Variants in RDX observed in about 807,000 individuals in gnomAD.
RDX encodes radixin.
A neutral mutation model predicts 83.7 loss-of-function variants in RDX; 32 were observed. That is an observed-to-expected ratio of 0.38 (90% CI 0.29 to 0.51). The LOEUF is 0.51. Ranked by LOEUF, RDX falls within the 20% of genes least tolerant of loss-of-function variation. RDX has a pLI of 0.87. For synonymous variants in RDX, 229 were observed against 222.7 expected (o/e 1.03, Z -0.25); for missense variants, 600 against 689.9 (o/e 0.87, Z 1.46).
chr11:110,199,375 T>C lies in RDX; in HGVS notation c.*31+206A>G, dbSNP rs139455760. On this transcript the variant is annotated intron_variant, in intron 15 of 15. Coordinates refer to the RDX transcript ENST00000528498. ...CAAAGAGCCCAAGAGATGCAAACTA[T>C]TGGGAAAGAACCTGGAAGGGATGGA... Among the ~76,000 whole-genome samples the C allele has an allele frequency of 5.9e-5, 9 of 152,260 alleles. No homozygotes were observed. The East Asian group carries it at 1.3e-3, about 23-fold the overall frequency.
At chr11:110,184,322 C>T (rs905117294) in intron 15 of RDX, among the ~76,000 whole-genome samples, 5 of 152,356 alleles carry the variant, frequency 3.3e-5, no homozygotes, top group African/African-American at 1.2e-4. Flanking sequence ...CATTCCCAAG[C>T]CCAGGCGGTG....
intron 6 of RDX, 95 bp downstream of exon 6, chr11:110,258,010 TC>T (rs1388326543): frequency 6.8e-7 from 1 of 1,478,692 alleles, no homozygotes; most frequent in African/African-American, 1.4e-5. Context: ...TTTACATAAG[TC>T]AAACAATCTT....
At chr11:110,220,766 G>A (rs553559203) in intron 14 of RDX, among the ~76,000 whole-genome samples, 7 of 151,952 alleles carry the variant, frequency 4.6e-5, no homozygotes, top group South Asian at 4.2e-4. Flanking sequence ...CCAAAGTGCT[G>A]GGATTACAGG....
At chr11:110,184,170 C>G (rs1352848696) in intron 15 of RDX, among the ~76,000 whole-genome samples, 1 of 152,228 alleles carries the variant, frequency 6.6e-6, no homozygotes, top group Non-Finnish European at 1.5e-5. Flanking sequence ...GGAGACGGAG[C>G]TGATCTGAGC....
At chr11:110,263,868 CAA>C (rs36094903) in intron 5 of RDX, 90 bp downstream of exon 5, 4,972 of 979,540 alleles carry the variant, frequency 5.1e-3, no homozygotes, top group East Asian at 7.9e-3. Context: ...ACCCTGTCTC[CAA>C]AAAAAAAAAA....
intron 14 of RDX, among the ~76,000 whole-genome samples, chr11:110,204,789 A>G (rs886611654): frequency 6.6e-6 from 1 of 152,170 alleles, no homozygotes; most frequent in African/African-American, 2.4e-5. Flanking sequence ...TGCTGGGATT[A>G]CAGGCGTGAG....
At chr11:110,198,978 A>AT (rs1863302417) in intron 15 of RDX, among the ~76,000 whole-genome samples, 1 of 151,522 alleles carries the variant, frequency 6.6e-6, no homozygotes, top group Non-Finnish European at 1.5e-5. Context: ...ACCACTCCTA[A>AT]TTTTTTTTGT....
At chr11:110,241,104 CT>C (rs1309993009) in intron 10 of RDX, among the ~76,000 whole-genome samples, 3 of 148,876 alleles carry the variant, frequency 2.0e-5, no homozygotes, top group Non-Finnish European at 4.4e-5. Context: ...TGTGTACATT[CT>C]GTATTATATG....
intron 10 of RDX, among the ~76,000 whole-genome samples, chr11:110,245,094 A>C (rs867773408): frequency 3.3e-5 from 5 of 150,964 alleles, no homozygotes; most frequent in East Asian, 2.0e-4. Context: ...CCTCCCTAGT[A>C]GCTGGGATTA....
intron 15 of RDX, among the ~76,000 whole-genome samples, chr11:110,192,913 T>G (rs1863130296): frequency 6.6e-6 from 1 of 151,858 alleles, no homozygotes; most frequent in Non-Finnish European, 1.5e-5. Flanking sequence ...TATACACTGT[T>G]GGTGGGAATA....
At chr11:110,284,164 C>G (rs977827497) in intron 1 of RDX, among the ~76,000 whole-genome samples, 1 of 152,162 alleles carries the variant, frequency 6.6e-6, no homozygotes, top group African/African-American at 2.4e-5. Flanking sequence ...GATATTGGCT[C>G]CACATTTCCA....
chr11:110,247,543 A>G (rs1859158201), intron 10 of RDX, among the ~76,000 whole-genome samples, 160 bp downstream of exon 10: 1 of 152,178 alleles, frequency 6.6e-6, no homozygotes, highest in Non-Finnish European at 1.5e-5. Context: ...TGCCTTAGTG[A>G]AACATGTTTA....
rs1030064754 is a variant in RDX at position 110,247,769 on chromosome 11, G to A, written c.1024C>T (p.Arg342Cys). The A allele has an allele frequency of 9.9e-6, 16 of 1,608,300 alleles. No individual in the cohort carries two copies. The highest frequency in any genetic ancestry group is 3.4e-4 in the Middle Eastern group (2 of 5,868). Residue 342 changes from arginine to cysteine, a missense_variant, in exon 10 of 14, where the codon CGT (arginine) becomes TGT (cysteine). Arg to Cys is a radical substitution (Grantham distance 180). Transcript: ENST00000645495. ...CGTTCCATTAGCTCTTCCTTTTCAC[G>A]TTCTATTCTTTCCTTTTCCTTTTCT... ...IAEKEKERIE[R>C]EKEELMERLK...
chr11:110,210,310 G>A (rs1343569552), intron 14 of RDX, among the ~76,000 whole-genome samples: 1 of 130,190 alleles, frequency 7.7e-6, no homozygotes, highest in African/African-American at 3.1e-5. Flanking sequence ...AAAGAAATGA[G>A]CAAAGCCTCC....
intron 14 of RDX, among the ~76,000 whole-genome samples, chr11:110,205,690 A>T (rs1863577989): frequency 6.6e-6 from 1 of 152,242 alleles, no homozygotes; most frequent in South Asian, 2.1e-4. Flanking sequence ...AATTATTAAT[A>T]AAAGCACAAT....
At chr11:110,279,848 G>T in intron 1 of RDX, 92 bp from the exon 2 acceptor site, 2 of 567,582 alleles carry the variant, frequency 3.5e-6, no homozygotes, top group Non-Finnish European at 6.2e-6. Flanking sequence ...TAAAATATTT[G>T]AAAAGGTGGA....
intron 9 of RDX, among the ~76,000 whole-genome samples, chr11:110,249,691 G>T (rs528359240): frequency 9.9e-5 from 15 of 152,108 alleles, no homozygotes; most frequent in Non-Finnish European, 1.8e-4. Flanking sequence ...GCAACATAGC[G>T]AGACCTCATC....
intron 12 of RDX, 157 bp from the exon 13 acceptor site, chr11:110,233,636 TAAA>T (rs1864729007): frequency 1.3e-6 from 1 of 750,164 alleles, no homozygotes; most frequent in South Asian, 1.8e-5. Context: ...TGTCAACAGG[TAAA>T]AGAGAAAATC....
chr11:110,182,461 T>C (rs186097876), intron 15 of RDX, among the ~76,000 whole-genome samples: 2 of 151,960 alleles, frequency 1.3e-5, no homozygotes, highest in African/African-American at 4.8e-5. Context: ...ACCAGCCGGG[T>C]GTGGTGGCAC....
Sources: allele counts gnomAD v4.1 joint callset (sites outside exome capture counted in the v4.1 genomes callset), GRCh38; gene constraint gnomAD v4.1.1; transcripts MANE v1.5; gene names NCBI Gene and HGNC (gene_info 2026-07-23, HGNC 2026-07-21).